Variants in RAPGEF4 observed in about 807,000 individuals in gnomAD.
RAPGEF4 encodes the protein Rap guanine nucleotide exchange factor 4.
RAPGEF4 carries 66 observed loss-of-function variants against 147.9 expected under a neutral mutation model. The ratio of observed to expected loss-of-function variants is 0.45; its 90% confidence interval spans 0.37 to 0.55. RAPGEF4 has a LOEUF of 0.55. Ranked by LOEUF, RAPGEF4 falls within the 20% of genes least tolerant of loss-of-function variation. The probability of loss-of-function intolerance (pLI) is 0.00; values close to 1 mark genes in which losing one functional copy is unlikely to be tolerated. For synonymous variants in RAPGEF4, 419 were observed against 442.7 expected (o/e 0.95, Z 0.67); for missense variants, 1,071 against 1,257.3 (o/e 0.85, Z 2.24).
chr2:172,890,174 T>C (rs949716309), intron 4 of RAPGEF4, among the ~76,000 whole-genome samples: 1 of 152,234 alleles, frequency 6.6e-6, no homozygotes, highest in Admixed American at 6.5e-5. Flanking sequence ...GCCAGATGCC[T>C]GATTTTGTCT....
intron 10 of RAPGEF4, among the ~76,000 whole-genome samples, chr2:172,980,680 C>T (rs190154354): frequency 4.6e-5 from 7 of 152,238 alleles, no homozygotes; most frequent in Admixed American, 2.6e-4. Flanking sequence ...CTAGCTGTTA[C>T]GGCTCAAAGG....
chr2:172,966,989 T>G, intron 9 of RAPGEF4: 1 of 312,952 alleles, frequency 3.2e-6, no homozygotes, highest in Non-Finnish European at 5.9e-6. Context: ...GGTCAAAGTG[T>G]TCATCTGAGA....
At chr2:172,871,920 G>T (rs1322679177) in intron 4 of RAPGEF4, among the ~76,000 whole-genome samples, 1 of 152,124 alleles carries the variant, frequency 6.6e-6, no homozygotes, top group Non-Finnish European at 1.5e-5. Context: ...TAACCAACTT[G>T]CTTGGAGTCA....
chr2:172,863,044 T>A (rs746014042), intron 4 of RAPGEF4, among the ~76,000 whole-genome samples: 17 of 152,016 alleles, frequency 1.1e-4, no homozygotes, highest in Non-Finnish European at 1.8e-4. Flanking sequence ...GGGGAAAAGA[T>A]GAATCTGAAA....
chr2:172,960,761 C>A lies in RAPGEF4; in HGVS notation c.539C>A (p.Thr180Lys). The part of the protein sequence containing the change: ...NNDRIPDKEN[T>K]PLIEPHVPLR... ...TTGCTTTAACATTTTATTTTTCAGA[C>A]ACCTCTCATTGAACCTCACGTTCCT... Residue 180 changes from threonine (T) to lysine (K), a missense_variant and splice_region_variant, in exon 7 of 31, where the codon ACA (threonine) becomes AAA (lysine). Physicochemically the swap from Thr to Lys is moderately conservative, Grantham distance 78. Transcript: ENST00000397081. The A allele has an allele frequency of 6.3e-7, 1 of 1,596,824 alleles. No individual in the cohort carries two copies. Among genetic ancestry groups the A allele is most frequent in the Non-Finnish European group, 8.5e-7 (1 of 1,170,670 alleles).
intron 1 of RAPGEF4, among the ~76,000 whole-genome samples, chr2:172,779,654 G>T (rs936846802): frequency 2.0e-5 from 3 of 152,168 alleles, no homozygotes; most frequent in Non-Finnish European, 2.9e-5. Context: ...AGCAGGACAT[G>T]CTGTGAACCT....
At chr2:172,956,114 A>T (rs1688703111) in intron 6 of RAPGEF4, among the ~76,000 whole-genome samples, 1 of 152,158 alleles carries the variant, frequency 6.6e-6, no homozygotes, top group Admixed American at 6.5e-5. Flanking sequence ...GCCCCGAGGC[A>T]TCTCTAGTAG....
chr2:172,919,330 C>G (rs949676764), intron 5 of RAPGEF4, among the ~76,000 whole-genome samples: 1 of 152,088 alleles, frequency 6.6e-6, no homozygotes, highest in Non-Finnish European at 1.5e-5. Flanking sequence ...CTCTTCGACC[C>G]CTCAAAGTCT....
At chr2:173,010,338 T>C (rs756677869) in intron 17 of RAPGEF4, among the ~76,000 whole-genome samples, 7 of 152,234 alleles carry the variant, frequency 4.6e-5, no homozygotes, top group Non-Finnish European at 8.8e-5. Context: ...AGGAACCATG[T>C]TGTCTTTCTG....
chr2:172,966,817 C>A (rs1689888767), intron 9 of RAPGEF4, among the ~76,000 whole-genome samples: 1 of 152,168 alleles, frequency 6.6e-6, no homozygotes, highest in Non-Finnish European at 1.5e-5. Context: ...ATAAACAGTA[C>A]ATATAGAAAG....
intron 1 of RAPGEF4, chr2:172,736,296 C>T: frequency 3.3e-6 from 1 of 304,628 alleles, no homozygotes; most frequent in East Asian, 5.5e-5. Context: ...GGGGAGAGAG[C>T]ACCCACCTCT....
At chr2:172,851,707 C>T (rs1199956510) in intron 4 of RAPGEF4, among the ~76,000 whole-genome samples, 1 of 152,132 alleles carries the variant, frequency 6.6e-6, no homozygotes, top group African/African-American at 2.4e-5. Flanking sequence ...GAAAACCAAA[C>T]ACTGCCATGT....
chr2:172,752,120 A>C (rs1418562805), intron 1 of RAPGEF4, among the ~76,000 whole-genome samples: 2 of 8,292 alleles, frequency 2.4e-4, no homozygotes, highest in African/African-American at 2.8e-4. Context: ...GCTTTTGATC[A>C]TGGATGCTGA....
chr2:172,820,242 G>C (rs1233854159), intron 4 of RAPGEF4, among the ~76,000 whole-genome samples: 1 of 152,220 alleles, frequency 6.6e-6, no homozygotes, highest in African/African-American at 2.4e-5. Flanking sequence ...AGATGCTTCT[G>C]AGAGGCCCTT....
chr2:172,963,254 C>G (rs1199114959), intron 8 of RAPGEF4, among the ~76,000 whole-genome samples: 2 of 152,106 alleles, frequency 1.3e-5, no homozygotes, highest in African/African-American at 4.8e-5. Flanking sequence ...GTGGGGGACA[C>G]AAAGCCAAAC....
chr2:172,841,375 AGATGTTGGTGCCATGCTTCTT>A (rs1044012277), intron 4 of RAPGEF4, among the ~76,000 whole-genome samples: 2 of 152,206 alleles, frequency 1.3e-5, no homozygotes, highest in African/African-American at 4.8e-5. Flanking sequence ...CACTGGAAGC[AGATGTTGGTGCCATGCTTCTT>A]GTACAGCCAA....
intron 1 of RAPGEF4, among the ~76,000 whole-genome samples, chr2:172,785,517 TC>T (rs1685114268): frequency 6.6e-6 from 1 of 152,182 alleles, no homozygotes; most frequent in Admixed American, 6.5e-5. Flanking sequence ...GATGAGCAGC[TC>T]TTTGCAATGC....
chr2:172,975,398 T>A (rs1437161757), intron 10 of RAPGEF4, among the ~76,000 whole-genome samples: 1 of 152,208 alleles, frequency 6.6e-6, no homozygotes, highest in African/African-American at 2.4e-5. Flanking sequence ...GTGAATTAAG[T>A]ATGGCTCATG....
At chr2:172,835,707 T>C (rs1347884049) in intron 4 of RAPGEF4, among the ~76,000 whole-genome samples, 1 of 152,246 alleles carries the variant, frequency 6.6e-6, no homozygotes, top group Non-Finnish European at 1.5e-5. Flanking sequence ...TTGATACTTA[T>C]GATAATAAAA....
Sources: allele counts gnomAD v4.1 joint callset (sites outside exome capture counted in the v4.1 genomes callset), GRCh38; gene constraint gnomAD v4.1.1; transcripts MANE v1.5; gene names NCBI Gene and HGNC (gene_info 2026-07-23, HGNC 2026-07-21).